The following UBE3C variants were observed in gnomAD, a reference collection of about 807,000 sequenced individuals.
UBE3C encodes the protein ubiquitin protein ligase E3C.
Under a neutral mutation model 129.4 loss-of-function variants are expected in UBE3C, and 42 were observed. The observed-to-expected ratio is 0.32, with a 90% CI of 0.25 to 0.42. The LOEUF is 0.42. UBE3C is among the 10% of genes least tolerant of loss of function. UBE3C has a pLI of 1.00. For missense variants in UBE3C, 1,049 were observed against 1,319.1 expected, an observed-to-expected ratio of 0.80 and a Z score of 3.17; for synonymous variants, 510 against 492.4, an observed-to-expected ratio of 1.04 and a Z score of -0.47.
Position 157,248,535 on chromosome 7 carries a change from T to C in UBE3C, c.2649T>C (p.Leu883=). 1 of 1,612,782 alleles carries C rather than the reference T, an allele frequency of 6.2e-7. No homozygotes were observed. Among genetic ancestry groups the C allele is most frequent in the Non-Finnish European group, 8.5e-7 (1 of 1,180,032 alleles). The change falls in exon 19 of 23, where the codon CTT becomes CTC. Residue 883 remains leucine (L), a synonymous_variant. Transcript: ENST00000348165. ...LKSYEDDVEE[L]GLNFTVVNND... ...GCTACGAAGACGATGTGGAGGAGCT[T>C]GGGCTGAACTTCACTGTGGTGAACA...
At chr7:157,199,085 AT>A (rs1809206149) in intron 10 of UBE3C, among the ~76,000 whole-genome samples, 1 of 152,230 alleles carries the variant, frequency 6.6e-6, no homozygotes. Flanking sequence ...GTCTGGATGG[AT>A]TTATAGCAGG....
At chr7:157,211,099 T>G (rs946778407) in intron 13 of UBE3C, among the ~76,000 whole-genome samples, 1 of 150,132 alleles carries the variant, frequency 6.7e-6, no homozygotes, top group African/African-American at 2.5e-5. Context: ...CCTCCTGTGA[T>G]AGGGAAACAG....
At chr7:157,144,681 T>C (rs1807555662) in intron 1 of UBE3C, among the ~76,000 whole-genome samples, 1 of 118,930 alleles carries the variant, frequency 8.4e-6, no homozygotes, top group Non-Finnish European at 1.6e-5. Context: ...GTTTGTCCAG[T>C]GCTTTTTTTA....
chr7:157,170,016 C>T (rs1309985195), intron 3 of UBE3C, among the ~76,000 whole-genome samples: 3 of 151,422 alleles, frequency 2.0e-5, no homozygotes, highest in African/African-American at 7.3e-5. Flanking sequence ...GATGGGGTTT[C>T]GCCATGTTGG....
chr7:157,158,975 A>T (rs186900567), intron 1 of UBE3C, among the ~76,000 whole-genome samples: 48 of 152,344 alleles, frequency 3.2e-4, no homozygotes, highest in African/African-American at 9.9e-4. Context: ...CAGTCCTACT[A>T]GTCTCATGTA....
At chr7:157,177,944 T>TTA (rs1554425312) in intron 5 of UBE3C, among the ~76,000 whole-genome samples, 5 of 149,296 alleles carry the variant, frequency 3.3e-5, no homozygotes, top group Admixed American at 2.0e-4. Flanking sequence ...TTTTTTTTTT[T>TTA]AAGAAAAAGG....
intron 1 of UBE3C, among the ~76,000 whole-genome samples, chr7:157,163,555 C>T (rs1808132777): frequency 6.6e-6 from 1 of 152,156 alleles, no homozygotes; most frequent in African/African-American, 2.4e-5. Flanking sequence ...TTTACCTGTA[C>T]TCATTTGTAT....
rs762749095 is a variant in UBE3C, at chr7:157,225,398, G to C, written c.2101-9G>C. 6.3e-7 allele frequency: 1 copy of C among 1,591,418 alleles called. No individual in the cohort carries two copies. The stretch of plus-strand genomic sequence containing the variant: ...TTCTAATAACCTTACAGCTTTCCTT[G>C]TTTGTTAGATCTTTCAGAGGTTGAT... On this transcript the variant is annotated splice_polypyrimidine_tract_variant and intron_variant, in intron 16 of 22. Coordinates refer to ENST00000348165, the MANE Select transcript of UBE3C (RefSeq NM_014671.3).
intron 14 of UBE3C, among the ~76,000 whole-genome samples, chr7:157,218,174 G>A (rs6947927): frequency 0.29 from 44,859 of 152,170 alleles, 8,396 homozygotes; most frequent in African/African-American, 0.52. Context: ...GGCTGGGCGC[G>A]GTGGCTCATG....
chr7:157,139,863 T>C, intron 1 of UBE3C: 1 of 393,718 alleles, frequency 2.5e-6, no homozygotes, highest in Non-Finnish European at 3.5e-6. Flanking sequence ...ACGCATTTGC[T>C]GATGTCGATA....
At chr7:157,247,828 C>T (rs547531236) in intron 18 of UBE3C, among the ~76,000 whole-genome samples, 8 of 152,264 alleles carry the variant, frequency 5.3e-5, no homozygotes, top group Admixed American at 2.6e-4. Context: ...GTGGCATATG[C>T]GGTTATGAAC....
chr7:157,203,704 C>A (rs1214670676), intron 11 of UBE3C, among the ~76,000 whole-genome samples: 1 of 152,060 alleles, frequency 6.6e-6, no homozygotes, highest in Non-Finnish European at 1.5e-5. Context: ...TTTTACAAAT[C>A]TTATTAAAAG....
chr7:157,198,659 T>A (rs1346210355), intron 10 of UBE3C: 2 of 212,272 alleles, frequency 9.4e-6, no homozygotes, highest in Non-Finnish European at 1.9e-5. Flanking sequence ...CTCAGCCTCC[T>A]GAGCAGCTGG....
chr7:157,258,712 A>C (rs1318941784), intron 22 of UBE3C, among the ~76,000 whole-genome samples: 1 of 152,160 alleles, frequency 6.6e-6, no homozygotes, highest in Non-Finnish European at 1.5e-5. Flanking sequence ...CACCTACCTC[A>C]GCCTCCCAAA....
intron 18 of UBE3C, among the ~76,000 whole-genome samples, chr7:157,238,102 A>G (rs911007936): frequency 1.3e-5 from 2 of 152,194 alleles, no homozygotes; most frequent in East Asian, 1.9e-4. Flanking sequence ...TAAATATTCA[A>G]TTTAATTTAG....
At chr7:157,216,269 A>T (rs1292038160) in intron 13 of UBE3C, among the ~76,000 whole-genome samples, 1 of 152,104 alleles carries the variant, frequency 6.6e-6, no homozygotes, top group Non-Finnish European at 1.5e-5. Context: ...ATACTCTTTC[A>T]GGAAAAAGTT....
At chr7:157,191,182 G>A (rs189850490) in intron 10 of UBE3C, among the ~76,000 whole-genome samples, 20 of 152,338 alleles carry the variant, frequency 1.3e-4, no homozygotes, top group Non-Finnish European at 2.4e-4. Flanking sequence ...GTCTTGTGTT[G>A]TTAATCATTG....
chr7:157,168,695 A>G (rs1808284535), intron 2 of UBE3C, among the ~76,000 whole-genome samples: 2 of 152,228 alleles, frequency 1.3e-5, no homozygotes, highest in South Asian at 2.1e-4. Flanking sequence ...AAAACCAGAC[A>G]CAGCATATTG....
intron 5 of UBE3C, among the ~76,000 whole-genome samples, 170 bp from the exon 6 acceptor site, chr7:157,178,520 G>C (rs1484790026): frequency 6.6e-6 from 1 of 152,172 alleles, no homozygotes. Flanking sequence ...CTGTCTGAAT[G>C]ACTGAATGTT....
Sources: allele counts gnomAD v4.1 joint callset (sites outside exome capture counted in the v4.1 genomes callset), GRCh38; gene constraint gnomAD v4.1.1; transcripts MANE v1.5; gene names NCBI Gene and HGNC (gene_info 2026-07-23, HGNC 2026-07-21).